Variants in TMEM178B observed in about 807,000 individuals in gnomAD.
TMEM178B encodes the protein transmembrane protein 178B.
TMEM178B carries 5 observed loss-of-function variants against 31.0 expected under a neutral mutation model. The ratio of observed to expected loss-of-function variants is 0.16; its 90% CI spans 0.08 to 0.34. TMEM178B has a LOEUF of 0.34. TMEM178B is among the 10% of genes least tolerant of loss of function. The probability of loss-of-function intolerance (pLI) is 1.00; values close to 1 mark genes in which losing one functional copy is unlikely to be tolerated. For synonymous variants in TMEM178B, 164 were observed against 164.0 expected, an observed-to-expected ratio of 1.00 and a Z score of 0.00; for missense variants, 275 against 400.3, an observed-to-expected ratio of 0.69 and a Z score of 2.67.
intron 2 of TMEM178B, among the ~76,000 whole-genome samples, chr7:141,429,100 C>A (rs1386989589): frequency 4.6e-5 from 7 of 152,224 alleles, no homozygotes; most frequent in Admixed American, 2.0e-4. Flanking sequence ...TTATGGAAAA[C>A]CATATGGAGA....
chr7:141,199,168 A>G (rs1796834560), intron 1 of TMEM178B, among the ~76,000 whole-genome samples: 1 of 152,210 alleles, frequency 6.6e-6, no homozygotes, highest in Non-Finnish European at 1.5e-5. Flanking sequence ...CTTGTTCAAA[A>G]CATGCAAAAA....
intron 1 of TMEM178B, among the ~76,000 whole-genome samples, chr7:141,083,699 A>G (rs1794729274): frequency 6.6e-6 from 1 of 152,200 alleles, no homozygotes; most frequent in South Asian, 2.1e-4. Context: ...AACCTAAGAG[A>G]AAGGTGATGA....
At chr7:141,247,658 G>A (rs1232810885) in intron 2 of TMEM178B, among the ~76,000 whole-genome samples, 1 of 152,170 alleles carries the variant, frequency 6.6e-6, no homozygotes, top group African/African-American at 2.4e-5. Flanking sequence ...GAAGAAGAAT[G>A]GGAGAGAACT....
At chr7:141,167,269 C>T (rs1563105687) in intron 1 of TMEM178B, among the ~76,000 whole-genome samples, 1 of 152,192 alleles carries the variant, frequency 6.6e-6, no homozygotes, top group Non-Finnish European at 1.5e-5. Flanking sequence ...CTTAAGAAAT[C>T]GCCTCTTCGC....
chr7:141,217,906 A>G (rs1166521000), intron 2 of TMEM178B, among the ~76,000 whole-genome samples: 1 of 152,096 alleles, frequency 6.6e-6, no homozygotes, highest in Non-Finnish European at 1.5e-5. Flanking sequence ...GCTCTCTGCT[A>G]TCTTTCGAGT....
At position 141,473,436 on chromosome 7, in the gene TMEM178B, A is replaced by G. The variant is rs1802285619; in HGVS notation, c.*2650A>G. 1 of 152,218 alleles carries G rather than the reference A, an allele frequency of 6.6e-6. No homozygotes were observed. 9.4% of individuals were successfully genotyped at this position (152,218 alleles called of 1,614,324 possible). A position where few individuals can be genotyped will look rare whatever the true frequency, so the allele number is the denominator to read the frequency against. ...GGGGAAATTTGCTATGAACCATTTA[A>G]ACTTTTTGTAAGTAATCATGTTTGA... is the stretch of plus-strand genomic sequence containing the variant. On this transcript the variant is annotated 3_prime_UTR_variant, in exon 4 of 4. Transcript: ENST00000565468.
chr7:141,388,904 T>TA (rs1800483181), intron 2 of TMEM178B, among the ~76,000 whole-genome samples: 1 of 152,004 alleles, frequency 6.6e-6, no homozygotes, highest in South Asian at 2.1e-4. Flanking sequence ...GGTGCAATGT[T>TA]ACCACTTTGG....
At chr7:141,390,342 A>G (rs890679304) in intron 2 of TMEM178B, among the ~76,000 whole-genome samples, 3 of 152,186 alleles carry the variant, frequency 2.0e-5, no homozygotes, top group Non-Finnish European at 2.9e-5. Context: ...ACACTCTTCT[A>G]CTATGAACAG....
chr7:141,260,531 C>A (rs2116359268), intron 2 of TMEM178B, among the ~76,000 whole-genome samples: 1 of 152,280 alleles, frequency 6.6e-6, no homozygotes, highest in South Asian at 2.1e-4. Context: ...TCATCTCTGA[C>A]TCTGCCACTT....
At chr7:141,220,633 T>C (rs1247385245) in intron 2 of TMEM178B, among the ~76,000 whole-genome samples, 1 of 152,154 alleles carries the variant, frequency 6.6e-6, no homozygotes, top group African/African-American at 2.4e-5. Flanking sequence ...GCTGGTATAA[T>C]TACAGTCTTC....
intron 2 of TMEM178B, among the ~76,000 whole-genome samples, chr7:141,239,606 C>T (rs982271594): frequency 2.6e-5 from 4 of 152,186 alleles, no homozygotes; most frequent in Admixed American, 6.5e-5. Context: ...CCCATGCCTC[C>T]GCTCTGAAGT....
chr7:141,089,409 A>T (rs148991200), intron 1 of TMEM178B, among the ~76,000 whole-genome samples: 56 of 152,340 alleles, frequency 3.7e-4, no homozygotes, highest in African/African-American at 1.1e-3. Context: ...TACACTGTTG[A>T]TGGGACTGTA....
intron 1 of TMEM178B, among the ~76,000 whole-genome samples, chr7:141,209,851 G>A (rs1485304262): frequency 2.0e-5 from 3 of 152,294 alleles, no homozygotes; most frequent in Non-Finnish European, 2.9e-5. Flanking sequence ...TGCTAAGTCA[G>A]GAGTGAATAT....
At chr7:141,280,477 C>T (rs1349219588) in intron 2 of TMEM178B, among the ~76,000 whole-genome samples, 1 of 152,154 alleles carries the variant, frequency 6.6e-6, no homozygotes, top group African/African-American at 2.4e-5. Context: ...AAACCCCTTT[C>T]CCTTGGTTCT....
chr7:141,432,761 C>G (rs34917874), intron 2 of TMEM178B, among the ~76,000 whole-genome samples: 8,166 of 152,130 alleles, frequency 0.054, 244 homozygotes, highest in Middle Eastern at 0.082. Context: ...GTTTTTCTCC[C>G]CATTCATGGG....
chr7:141,334,741 A>T (rs556658831), intron 2 of TMEM178B, among the ~76,000 whole-genome samples: 1 of 152,348 alleles, frequency 6.6e-6, no homozygotes, highest in East Asian at 1.9e-4. Flanking sequence ...ATTCTGAGCC[A>T]TGTGTATGCC....
intron 1 of TMEM178B, among the ~76,000 whole-genome samples, chr7:141,163,460 G>T (rs574481899): frequency 4.7e-4 from 71 of 152,054 alleles, no homozygotes; most frequent in Non-Finnish European, 8.8e-4. Flanking sequence ...GAAGAATTGG[G>T]ATCATTAATG....
chr7:141,435,303 C>G (rs749422904), intron 2 of TMEM178B, among the ~76,000 whole-genome samples: 7 of 152,246 alleles, frequency 4.6e-5, no homozygotes, highest in Non-Finnish European at 8.8e-5. Context: ...GAAGTATAAG[C>G]CCCTTACAGG....
At chr7:141,325,769 G>T (rs1220083218) in intron 2 of TMEM178B, among the ~76,000 whole-genome samples, 2 of 152,254 alleles carry the variant, frequency 1.3e-5, no homozygotes, top group Admixed American at 6.5e-5. Context: ...TTTCCACCTG[G>T]GATGGTTTGA....
Sources: gnomAD v4.1 joint callset for allele counts (sites outside exome capture counted in the v4.1 genomes callset) on GRCh38, gnomAD v4.1.1 for gene constraint, MANE v1.5 for transcripts, NCBI Gene and HGNC (gene_info 2026-07-23, HGNC 2026-07-21) for gene names.